The following FGF7 variants were observed in gnomAD, a reference collection of about 807,000 sequenced individuals.
FGF7 encodes the protein fibroblast growth factor 7, also known as FGF-7.
Under a neutral mutation model 20.5 loss-of-function variants are expected in FGF7, and 6 were observed. The observed-to-expected ratio is 0.29, with a 90% confidence interval of 0.16 to 0.58. FGF7 has a LOEUF of 0.58. FGF7 is among the 20% of genes least tolerant of loss of function. FGF7 has a pLI of 0.90. For synonymous variants in FGF7, 64 were observed against 74.7 expected (o/e 0.86, Z 0.74); for missense variants, 144 against 228.8 (o/e 0.63, Z 2.39).
At chr15:49,483,090 T>C in intron 2 of FGF7, 61 bp from the exon 3 acceptor site, 1 of 910,092 alleles carries the variant, frequency 1.1e-6, no homozygotes, top group Non-Finnish European at 1.8e-6. Flanking sequence ...CAAATGGCCA[T>C]TCGTGGATCA....
intron 2 of FGF7, among the ~76,000 whole-genome samples, chr15:49,463,652 A>G (rs912092272): frequency 2.6e-5 from 4 of 151,994 alleles, no homozygotes; most frequent in African/African-American, 9.7e-5. Context: ...TTCGCTGTGT[A>G]TAAGTTGCAA....
intron 2 of FGF7, among the ~76,000 whole-genome samples, chr15:49,481,829 C>T (rs902656204): frequency 5.9e-5 from 9 of 152,076 alleles, no homozygotes; most frequent in East Asian, 1.9e-4. Flanking sequence ...CTCAACTGGA[C>T]GAGCTCTGAC....
intron 2 of FGF7, among the ~76,000 whole-genome samples, chr15:49,450,114 A>C (rs1368235061): frequency 6.6e-6 from 1 of 152,162 alleles, no homozygotes; most frequent in Non-Finnish European, 1.5e-5. Flanking sequence ...TTGTGGAATA[A>C]ACATGCCTTC....
rs144149602 is a variant in FGF7 at position 49,453,378 on chromosome 15, A to G, written c.286+28795A>G. 1.1e-4 allele frequency among the ~76,000 whole-genome samples: 16 copies of G among 152,280 alleles called. No homozygotes were observed. In the East Asian group the frequency reaches 3.1e-3, roughly 29 times the overall value. Reference sequence around the variant, plus strand: ...CTCCGCCTCCCAAAGTGTTGAGATTACAGGCATGCGCCACCGTGCCTGGCC... The same window carrying G: ...CTCCGCCTCCCAAAGTGTTGAGATTGCAGGCATGCGCCACCGTGCCTGGCC... On this transcript the variant is annotated intron_variant, in intron 2 of 3. Coordinates refer to ENST00000267843, the MANE Select transcript of FGF7 (RefSeq NM_002009.4).
chr15:49,452,187 G>A (rs1306772485), intron 2 of FGF7, among the ~76,000 whole-genome samples: 2 of 151,960 alleles, frequency 1.3e-5, no homozygotes, highest in Non-Finnish European at 2.9e-5. Flanking sequence ...CACTACAGGT[G>A]CATGCTACCA....
Position 49,466,223 on chromosome 15 carries a change from T to C in FGF7, c.287-16928T>C, listed in dbSNP as rs148094381. On this transcript the variant is annotated intron_variant, in intron 2 of 3. Transcript: ENST00000267843. ...CTCAGACCTGTTGGATCAGACTTTCTGAGGAACGGGAACTGGAAACCTGAA... is the reference window on the plus strand; with the variant it reads ...CTCAGACCTGTTGGATCAGACTTTCCGAGGAACGGGAACTGGAAACCTGAA... Among the ~76,000 whole-genome samples the C allele has an allele frequency of 3.1e-3, 478 of 152,332 alleles. 2 individuals are homozygous for C. Among genetic ancestry groups the C allele is most frequent in the Middle Eastern group, 0.024 (7 of 294 alleles).
intron 2 of FGF7, among the ~76,000 whole-genome samples, chr15:49,429,141 T>G (rs1230120079): frequency 6.6e-6 from 1 of 152,038 alleles, no homozygotes; most frequent in South Asian, 2.1e-4. Flanking sequence ...GAATCAAAAA[T>G]AGCAATGTAA....
At chr15:49,456,372 T>C (rs922908846) in intron 2 of FGF7, among the ~76,000 whole-genome samples, 3 of 152,120 alleles carry the variant, frequency 2.0e-5, no homozygotes, top group Admixed American at 2.0e-4. Flanking sequence ...GTGTCTTATA[T>C]GACAAGTCAT....
chr15:49,446,975 G>C (rs2052279148), intron 2 of FGF7, among the ~76,000 whole-genome samples: 1 of 151,506 alleles, frequency 6.6e-6, no homozygotes. Context: ...GAAGTTTCTA[G>C]AGATTTTGAC....
At chr15:49,430,718 T>C (rs577072633) in intron 2 of FGF7, among the ~76,000 whole-genome samples, 2 of 151,930 alleles carry the variant, frequency 1.3e-5, no homozygotes, top group Admixed American at 1.3e-4. Flanking sequence ...GAAATCATTT[T>C]TTCTAACAAC....
chr15:49,460,791 G>A (rs1024086953), intron 2 of FGF7, among the ~76,000 whole-genome samples: 3 of 152,192 alleles, frequency 2.0e-5, no homozygotes, highest in African/African-American at 7.2e-5. Context: ...GTCCTTAGCA[G>A]AGACATATTA....
intron 2 of FGF7, among the ~76,000 whole-genome samples, chr15:49,476,303 ATACT>A (rs1283134553): frequency 6.6e-6 from 1 of 150,936 alleles, no homozygotes; most frequent in Admixed American, 6.6e-5. Flanking sequence ...GAAAAAGAAA[ATACT>A]AACTGAATTT....
chr15:49,444,850 T>G (rs1461333875), intron 2 of FGF7, among the ~76,000 whole-genome samples: 1 of 151,762 alleles, frequency 6.6e-6, no homozygotes, highest in African/African-American at 2.4e-5. Context: ...AAAATAAATT[T>G]ACAACCTAAT....
chr15:49,438,011 A>G (rs557476073), intron 2 of FGF7, among the ~76,000 whole-genome samples: 1 of 151,752 alleles, frequency 6.6e-6, no homozygotes, highest in African/African-American at 2.4e-5. Flanking sequence ...GAAGGGAGTC[A>G]GAAGAAAGGG....
intron 3 of FGF7, among the ~76,000 whole-genome samples, chr15:49,483,666 A>G (rs1243852617): frequency 1.3e-5 from 2 of 152,060 alleles, no homozygotes; most frequent in African/African-American, 2.4e-5. Flanking sequence ...ATCAACATCA[A>G]TCTCACAATC....
chr15:49,476,554 T>C (rs991775276), intron 2 of FGF7, among the ~76,000 whole-genome samples: 1 of 151,994 alleles, frequency 6.6e-6, no homozygotes, highest in Non-Finnish European at 1.5e-5. Flanking sequence ...AAGTTATCCA[T>C]TGGGTAAGAA....
At chr15:49,437,056 G>C (rs534915875) in intron 2 of FGF7, among the ~76,000 whole-genome samples, 55 of 151,538 alleles carry the variant, frequency 3.6e-4, no homozygotes, top group South Asian at 6.2e-4. Context: ...ATTTAACTTG[G>C]TTGTATTTTA....
At chr15:49,484,278 G>C in intron 3 of FGF7, 32 bp from the exon 4 acceptor site, 1 of 1,505,046 alleles carries the variant, frequency 6.6e-7, no homozygotes, top group Non-Finnish European at 9.0e-7. Flanking sequence ...AAATCATTTG[G>C]ATAATGTCTG....
At chr15:49,449,231 T>C (rs1460460428) in intron 2 of FGF7, among the ~76,000 whole-genome samples, 1 of 152,008 alleles carries the variant, frequency 6.6e-6, no homozygotes, top group Admixed American at 6.6e-5. Flanking sequence ...CATATTGGGC[T>C]CCTAGTATTT....
Sources: gnomAD v4.1 joint callset for allele counts (sites outside exome capture counted in the v4.1 genomes callset) on GRCh38, gnomAD v4.1.1 for gene constraint, MANE v1.5 for transcripts, NCBI Gene and HGNC (gene_info 2026-07-23, HGNC 2026-07-21) for gene names.